The following NLGN1 variants were observed in gnomAD, a reference collection of about 807,000 sequenced individuals.
The protein encoded by NLGN1 is neuroligin-1.
A neutral mutation model predicts 65.5 loss-of-function variants in NLGN1; 12 were observed. That is an observed-to-expected ratio of 0.18 (90% CI 0.12 to 0.30). The LOEUF is 0.30. NLGN1 is among the 10% of genes least tolerant of loss of function. The probability of loss-of-function intolerance (pLI) is 1.00; values close to 1 mark genes in which losing one functional copy is unlikely to be tolerated. For synonymous variants in NLGN1, 350 were observed against 359.5 expected, an observed-to-expected ratio of 0.97 and a Z score of 0.30; for missense variants, 750 against 1,007.1, an observed-to-expected ratio of 0.74 and a Z score of 3.46.
At chr3:174,018,780 G>A (rs1358405416) in intron 4 of NLGN1, among the ~76,000 whole-genome samples, 1 of 152,098 alleles carries the variant, frequency 6.6e-6, no homozygotes, top group African/African-American at 2.4e-5. Flanking sequence ...AGAAAGTTCA[G>A]GAGTTGATAC....
chr3:173,553,032 A>C (rs1424355457), intron 2 of NLGN1, among the ~76,000 whole-genome samples: 2 of 152,180 alleles, frequency 1.3e-5, no homozygotes, highest in Non-Finnish European at 2.9e-5. Flanking sequence ...ATGTTTTAGT[A>C]AAATTCTCAG....
At chr3:173,917,915 A>T (rs1191714453) in intron 4 of NLGN1, among the ~76,000 whole-genome samples, 2 of 151,326 alleles carry the variant, frequency 1.3e-5, no homozygotes, top group East Asian at 3.9e-4. Context: ...TTGATTTTAA[A>T]TCAACAGGCT....
chr3:174,110,314 C>T (rs375718654), intron 4 of NLGN1, among the ~76,000 whole-genome samples: 82 of 152,006 alleles, frequency 5.4e-4, no homozygotes, highest in African/African-American at 1.8e-3. Context: ...CATAACATTA[C>T]GTTTGGTTGC....
intron 4 of NLGN1, among the ~76,000 whole-genome samples, chr3:173,824,493 A>G (rs1720930823): frequency 6.6e-6 from 1 of 152,112 alleles, no homozygotes; most frequent in Non-Finnish European, 1.5e-5. Context: ...TGTGCTTTAA[A>G]ACAACAAAAG....
chr3:173,549,925 T>A (rs995724823), intron 2 of NLGN1, among the ~76,000 whole-genome samples: 14 of 152,066 alleles, frequency 9.2e-5, no homozygotes, highest in African/African-American at 2.9e-4. Flanking sequence ...GACATAACCT[T>A]ATCTTCTACT....
chr3:174,171,577 A>G (rs1728539128), intron 4 of NLGN1, among the ~76,000 whole-genome samples: 2 of 152,218 alleles, frequency 1.3e-5, no homozygotes, highest in Non-Finnish European at 2.9e-5. Context: ...GAAAAATTAA[A>G]TATTAAAGTC....
At chr3:174,265,601 C>A (rs1243937641) in intron 4 of NLGN1, among the ~76,000 whole-genome samples, 1 of 151,904 alleles carries the variant, frequency 6.6e-6, no homozygotes, top group African/African-American at 2.4e-5. Context: ...GTGAGATGAA[C>A]CCGGTACCTC....
intron 4 of NLGN1, among the ~76,000 whole-genome samples, chr3:174,056,561 C>A (rs1192083781): frequency 6.6e-6 from 1 of 151,890 alleles, no homozygotes; most frequent in East Asian, 1.9e-4. Flanking sequence ...TCAGTGCAAA[C>A]GAGAATCCAA....
chr3:174,063,057 A>T (rs891511801), intron 4 of NLGN1, among the ~76,000 whole-genome samples: 10 of 152,120 alleles, frequency 6.6e-5, no homozygotes, highest in African/African-American at 2.4e-4. Context: ...TATCTAGCAA[A>T]GAACCAGAGA....
At chr3:174,005,536 A>G (rs1028333548) in intron 4 of NLGN1, among the ~76,000 whole-genome samples, 5 of 152,156 alleles carry the variant, frequency 3.3e-5, no homozygotes, top group African/African-American at 1.2e-4. Context: ...TTACTCTGTC[A>G]ACTTGTTCCT....
At chr3:173,667,239 GCACACACACACA>G (rs3032837) in intron 3 of NLGN1, among the ~76,000 whole-genome samples, 39 of 147,446 alleles carry the variant, frequency 2.6e-4, no homozygotes, top group African/African-American at 9.4e-4. Context: ...ACACGCATAT[GCACACACACACA>G]CACACACACA....
At chr3:173,762,891 A>G (rs1778190909) in intron 3 of NLGN1, among the ~76,000 whole-genome samples, 1 of 151,636 alleles carries the variant, frequency 6.6e-6, no homozygotes, top group African/African-American at 2.4e-5. Flanking sequence ...TAATCGTATG[A>G]TACTTTAGGG....
At chr3:174,105,263 G>A (rs1334761066) in intron 4 of NLGN1, among the ~76,000 whole-genome samples, 1 of 152,092 alleles carries the variant, frequency 6.6e-6, no homozygotes, top group East Asian at 1.9e-4. Flanking sequence ...TTGGCTGGCT[G>A]ACATGGTGGC....
chr3:174,069,331 T>C (rs1446938881), intron 4 of NLGN1, among the ~76,000 whole-genome samples: 1 of 152,152 alleles, frequency 6.6e-6, no homozygotes, highest in Non-Finnish European at 1.5e-5. Context: ...CTGGGTGTGG[T>C]ATTACCAAAG....
At chr3:173,840,339 T>C (rs1400990892) in intron 4 of NLGN1, among the ~76,000 whole-genome samples, 2 of 152,228 alleles carry the variant, frequency 1.3e-5, no homozygotes, top group African/African-American at 4.8e-5. Flanking sequence ...TTGGGTTATA[T>C]AGATGTAGCT....
intron 3 of NLGN1, among the ~76,000 whole-genome samples, chr3:173,705,532 G>A (rs17786609): frequency 0.09 from 13,687 of 152,104 alleles, 642 homozygotes; most frequent in African/African-American, 0.095. Flanking sequence ...CCTAAGAAGC[G>A]TTTACAGTTG....
At chr3:173,884,922 C>G (rs1734049872) in intron 4 of NLGN1, among the ~76,000 whole-genome samples, 1 of 152,230 alleles carries the variant, frequency 6.6e-6, no homozygotes, top group East Asian at 1.9e-4. Flanking sequence ...ATGCTGCGTC[C>G]TCACATGGCC....
intron 4 of NLGN1, among the ~76,000 whole-genome samples, chr3:174,160,278 T>C (rs2152718868): frequency 6.6e-6 from 1 of 151,896 alleles, no homozygotes; most frequent in Non-Finnish European, 1.5e-5. Flanking sequence ...TTTGGTTTTT[T>C]TCTCAGCCAT....
chr3:173,565,184 C>T (rs1383961829), intron 2 of NLGN1, among the ~76,000 whole-genome samples: 3 of 152,090 alleles, frequency 2.0e-5, no homozygotes, highest in African/African-American at 7.2e-5. Context: ...GGAAATAGGC[C>T]TTATGAGAAG....
Sources: gnomAD v4.1 joint callset for allele counts (sites outside exome capture counted in the v4.1 genomes callset) on GRCh38, gnomAD v4.1.1 for gene constraint, MANE v1.5 for transcripts, NCBI Gene and HGNC (gene_info 2026-07-23, HGNC 2026-07-21) for gene names.